RBKS: variants seen among roughly 807,000 people sequenced by gnomAD.
RBKS encodes ribokinase.
In RBKS, 33 loss-of-function variants were observed where a neutral mutation model predicts 33.9. That is an observed-to-expected ratio of 0.97 (90% confidence interval 0.74 to 1.30). The LOEUF (loss-of-function observed/expected upper bound fraction) is 1.30. Among genes scored for constraint, RBKS ranks in the 50% most tolerant of loss-of-function variants. RBKS has a pLI of 0.00. For synonymous variants in RBKS, 125 were observed against 143.0 expected (o/e 0.87, Z 0.90); for missense variants, 361 against 392.6 (o/e 0.92, Z 0.68).
At chr2:27,862,746 T>C (rs563411574) in intron 1 of RBKS, among the ~76,000 whole-genome samples, 1 of 152,340 alleles carries the variant, frequency 6.6e-6, no homozygotes, top group East Asian at 1.9e-4. Context: ...CTGGTTTCTG[T>C]TAAACCCAGA....
chr2:27,882,224 G>GA (rs1370786039), intron 1 of RBKS, among the ~76,000 whole-genome samples: 26 of 148,688 alleles, frequency 1.7e-4, no homozygotes, highest in East Asian at 6.0e-4. Context: ...AAATCTACAA[G>GA]AAAAAAAAAC....
intron 7 of RBKS, among the ~76,000 whole-genome samples, chr2:27,807,115 T>G (rs1312439458): frequency 6.6e-6 from 1 of 152,208 alleles, no homozygotes; most frequent in Non-Finnish European, 1.5e-5. Flanking sequence ...AAAAAGGTTC[T>G]GAAAACAACA....
intron 5 of RBKS, among the ~76,000 whole-genome samples, chr2:27,836,947 T>C (rs981850385): frequency 6.6e-6 from 1 of 150,684 alleles, no homozygotes; most frequent in Non-Finnish European, 1.5e-5. Context: ...TATAATGAGA[T>C]ACCATCTCAC....
At chr2:27,852,828 G>C (rs939108582) in intron 2 of RBKS, among the ~76,000 whole-genome samples, 3 of 152,160 alleles carry the variant, frequency 2.0e-5, no homozygotes, top group African/African-American at 7.2e-5. Flanking sequence ...TTTAATCCTT[G>C]CAACTGAAGA....
chr2:27,798,699 G>C (rs867914005), intron 7 of RBKS, among the ~76,000 whole-genome samples: 1 of 152,066 alleles, frequency 6.6e-6, no homozygotes, highest in Admixed American at 6.5e-5. Context: ...TGGCACACGA[G>C]GTTCCCTAAA....
chr2:27,860,140 G>A (rs1663944458), intron 1 of RBKS, among the ~76,000 whole-genome samples: 1 of 151,774 alleles, frequency 6.6e-6, no homozygotes, highest in Non-Finnish European at 1.5e-5. Flanking sequence ...TTATAGTACT[G>A]ATGAAAAAAA....
At chr2:27,785,206 AT>A (rs1352526866) in intron 7 of RBKS, among the ~76,000 whole-genome samples, 1 of 152,252 alleles carries the variant, frequency 6.6e-6, no homozygotes, top group Non-Finnish European at 1.5e-5. Flanking sequence ...CATGAAAAAA[AT>A]AACAGGTTTT....
At chr2:27,814,953 A>G (rs896653437) in intron 7 of RBKS, among the ~76,000 whole-genome samples, 49 of 152,330 alleles carry the variant, frequency 3.2e-4, no homozygotes, top group African/African-American at 1.2e-3. Flanking sequence ...ACACATAAGC[A>G]CATGACATTC....
chr2:27,871,765 T>TA (rs1300882216), intron 1 of RBKS, among the ~76,000 whole-genome samples: 1 of 152,222 alleles, frequency 6.6e-6, no homozygotes, highest in African/African-American at 2.4e-5. Flanking sequence ...TGCCACCAGA[T>TA]ACAGCTTAAT....
At position 27,849,360 on chromosome 2, in the gene RBKS, C is replaced by T. The variant is rs141680213; in HGVS notation, c.223-1263G>A. On this transcript the variant is annotated intron_variant, in intron 2 of 7. Transcript: ENST00000302188. Reference sequence around the variant, plus strand: ...GATGGATCACCTGAGGTCAGGAGTTCGAGGCCAGCCTGGTCAACATGGTAA... The same window carrying T: ...GATGGATCACCTGAGGTCAGGAGTTTGAGGCCAGCCTGGTCAACATGGTAA... Among the ~76,000 whole-genome samples the T allele has an allele frequency of 8.1e-3, 1,229 of 151,668 alleles. 12 individuals carry two copies. The highest frequency in any genetic ancestry group is 0.028 in the African/African-American group (1,157 of 41,404).
chr2:27,784,918 C>T (rs554825177), intron 7 of RBKS, among the ~76,000 whole-genome samples: 1 of 152,106 alleles, frequency 6.6e-6, no homozygotes, highest in Admixed American at 6.5e-5. Context: ...CAGTTTGCAG[C>T]ACAGCAGCCA....
At chr2:27,842,958 G>T (rs1463828694) in intron 5 of RBKS, 109 bp downstream of exon 5, 3 of 791,912 alleles carry the variant, frequency 3.8e-6, no homozygotes, top group Non-Finnish European at 5.5e-6. Flanking sequence ...ATGGAAGAAA[G>T]AATATTTTAC....
chr2:27,838,178 C>T lies in RBKS; in HGVS notation c.514+4889G>A, dbSNP rs188281627. 1.1e-3 allele frequency among the ~76,000 whole-genome samples: 161 copies of T among 152,038 alleles called. 1 individual carries two copies. The highest frequency in any genetic ancestry group is 3.5e-3 in the African/African-American group (144 of 41,480). On this transcript the variant is annotated intron_variant, in intron 5 of 7. Coordinates refer to ENST00000302188, the MANE Select transcript of RBKS (RefSeq NM_022128.3). ...TCATGCCACTGCACTCCAGCCTGGG[C>T]GGGCAGAATGAGACTCTATCTCAAA...
chr2:27,838,541 A>T (rs901611698), intron 5 of RBKS, among the ~76,000 whole-genome samples: 4 of 152,256 alleles, frequency 2.6e-5, no homozygotes, highest in African/African-American at 9.6e-5. Flanking sequence ...AACTGGATAC[A>T]TAGGCTTAGA....
rs1303169642 is a variant in RBKS, at chr2:27,788,243, A to T, written c.796-6455T>A. On this transcript the variant is annotated intron_variant, in intron 7 of 7. Coordinates refer to ENST00000302188, the MANE Select transcript of RBKS (RefSeq NM_022128.3). ...TGGATTGCCTAGCCAGTGCAAAAGG[A>T]CAGGGGAAAAAAAAGAAAGAAAAGG... 2.6e-5 allele frequency among the ~76,000 whole-genome samples: 4 copies of T among 152,206 alleles called. No homozygotes were observed. The South Asian group carries it at 6.2e-4, about 24-fold the overall frequency.
At chr2:27,853,489 T>C (rs973860645) in intron 2 of RBKS, among the ~76,000 whole-genome samples, 2 of 151,820 alleles carry the variant, frequency 1.3e-5, no homozygotes, top group East Asian at 3.9e-4. Context: ...CAAAACCTTG[T>C]CTACAAAAAA....
chr2:27,876,884 A>G (rs913364986), intron 1 of RBKS, among the ~76,000 whole-genome samples: 1 of 152,166 alleles, frequency 6.6e-6, no homozygotes, highest in Non-Finnish European at 1.5e-5. Context: ...GTACTCTGAT[A>G]TTGATAATTG....
rs73923925 is a variant in RBKS, at chr2:27,834,678, T to C, written c.515-1901A>G. Among the ~76,000 whole-genome samples the C allele has an allele frequency of 4.3e-3, 650 of 152,334 alleles. 5 individuals are homozygous for C. Among genetic ancestry groups the C allele is most frequent in the African/African-American group, 0.015 (621 of 41,580 alleles). ...TTTTTAGGTTTTCAGAACAATATAC[T>C]GTTCCCAGTTTTCCTCAAGCATTAA... On this transcript the variant is annotated intron_variant, in intron 5 of 7. Coordinates refer to ENST00000302188, the MANE Select transcript of RBKS (RefSeq NM_022128.3).
At chr2:27,817,634 G>A (rs1213397231) in intron 7 of RBKS, among the ~76,000 whole-genome samples, 1 of 152,196 alleles carries the variant, frequency 6.6e-6, no homozygotes, top group African/African-American at 2.4e-5. Context: ...CTGTCCCAGG[G>A]TATACATGGA....
Sources: allele counts gnomAD v4.1 joint callset (sites outside exome capture counted in the v4.1 genomes callset), GRCh38; gene constraint gnomAD v4.1.1; transcripts MANE v1.5; gene names NCBI Gene and HGNC (gene_info 2026-07-23, HGNC 2026-07-21).